The following SLC43A3 variants were observed in gnomAD, a reference collection of about 807,000 sequenced individuals.
The protein encoded by SLC43A3 is equilibrative nucleobase transporter 1.
In SLC43A3, 33 loss-of-function variants were observed where a neutral mutation model predicts 53.3. That is an observed-to-expected ratio of 0.62 (90% confidence interval 0.47 to 0.83). The LOEUF (loss-of-function observed/expected upper bound fraction) is 0.83, where lower values mean the gene tolerates loss of function less well. SLC43A3 is among the 40% of genes least tolerant of loss of function. The probability of loss-of-function intolerance (pLI) is 0.00; values close to 1 mark genes in which losing one functional copy is unlikely to be tolerated. For synonymous variants in SLC43A3, 236 were observed against 246.2 expected (o/e 0.96, Z 0.39); for missense variants, 530 against 610.0 (o/e 0.87, Z 1.38).
Position 57,416,674 on chromosome 11 carries a change from T to C in SLC43A3, c.672-4A>G, listed in dbSNP as rs752812556. On this transcript the variant is annotated splice_region_variant and splice_polypyrimidine_tract_variant and intron_variant, in intron 8 of 13. Coordinates refer to ENST00000395124, the MANE Select transcript of SLC43A3 (RefSeq NM_199329.3). Reference sequence around the variant, plus strand: ...GGTGCCATTCCCAGGGCACAGGCTATGGAAACAAAAGCCCCACCAGCAAGG... The same window carrying C: ...GGTGCCATTCCCAGGGCACAGGCTACGGAAACAAAAGCCCCACCAGCAAGG... 1.1e-5 allele frequency: 17 copies of C among 1,613,186 alleles called. No homozygotes were observed. In the Admixed American group the frequency reaches 2.3e-4, roughly 22 times the overall value.
At position 57,425,616 on chromosome 11, in the gene SLC43A3, A is replaced by G. The variant is rs745443467; in HGVS notation, c.239T>C (p.Met80Thr). 2 of 1,614,168 alleles carry G rather than the reference A, an allele frequency of 1.2e-6. No homozygotes were observed. The highest frequency in any genetic ancestry group is 4.5e-5 in the East Asian group (2 of 44,878). The change falls in exon 4 of 14, where the codon ATG becomes ACG. Residue 80 changes from methionine (M) to threonine (T), a missense_variant. By Grantham distance (81) the Met-to-Thr change is moderately conservative. Coordinates refer to ENST00000395124, the MANE Select transcript of SLC43A3 (RefSeq NM_199329.3). ...FSLIFTLGSF[M>T]NNFMTFPTGY... ...AGTGGGGAATGTCATGAAGTTGTTC[A>G]TGAAGGACCCCAGGGTGAAGATGAG... is the stretch of plus-strand genomic sequence containing the variant.
At position 57,414,914 on chromosome 11, in the gene SLC43A3, T is replaced by A. The variant is rs928252078; in HGVS notation, c.943+19A>T. 3 of 1,610,712 alleles carry A rather than the reference T, an allele frequency of 1.9e-6. No homozygotes were observed. The highest frequency in any genetic ancestry group is 2.5e-6 in the Non-Finnish European group (3 of 1,179,664). ...AGCTGGGACATGCAGATGGGCTACC[T>A]CCCAGCCCTACCACATACCTCGTGC... is the stretch of plus-strand genomic sequence containing the variant. On this transcript the variant is annotated intron_variant, in intron 10 of 13. Transcript: ENST00000395124.
In SLC43A3 at chr11:57,425,537, T is replaced by A. The variant is rs1321161815; in HGVS notation, c.314+4A>T. ...CTTTGCCTGGGCTGGCCTTTGGGAC[T>A]TACATGGCTATGAGGCGTGCCACGG... On this transcript the variant is annotated splice_donor_region_variant and intron_variant, in intron 4 of 13. Coordinates refer to ENST00000395124, the MANE Select transcript of SLC43A3 (RefSeq NM_199329.3). 1 of 1,612,838 alleles carries A rather than the reference T, an allele frequency of 6.2e-7. No homozygotes were observed. The highest frequency in any genetic ancestry group is 8.5e-7 in the Non-Finnish European group (1 of 1,179,312).
intron 11 of SLC43A3, among the ~76,000 whole-genome samples, chr11:57,412,863 T>C (rs1942543328): frequency 6.6e-6 from 1 of 151,574 alleles, no homozygotes; most frequent in South Asian, 2.1e-4. Context: ...AATGAAATAA[T>C]GGGCCTAGGC....
Position 57,414,831 on chromosome 11 carries a change from C to T in SLC43A3, c.944-100G>A, listed in dbSNP as rs546170581. 7.2e-6 allele frequency: 11 copies of T among 1,533,120 alleles called. No individual in the cohort carries two copies. The African/African-American group carries it at 1.5e-4, about 21-fold the overall frequency. 95.0% of individuals were successfully genotyped at this position (1,533,120 alleles called of 1,614,324 possible). On this transcript the variant is annotated intron_variant, in intron 10 of 13. Coordinates refer to ENST00000395124, the MANE Select transcript of SLC43A3 (RefSeq NM_199329.3). Reference sequence around the variant, plus strand: ...ACCCTTGTCTGCATGTCCCTCCTCCCCACACCATCAGACCCTCCTCTGGTG... The same window carrying T: ...ACCCTTGTCTGCATGTCCCTCCTCCTCACACCATCAGACCCTCCTCTGGTG...
At position 57,409,273 on chromosome 11, in the gene SLC43A3, G is replaced by T. The variant is rs765584516; in HGVS notation, c.1273C>A (p.Leu425Ile). The T allele has an allele frequency of 6.2e-7, 1 of 1,614,104 alleles. No individual in the cohort carries two copies. Among genetic ancestry groups the T allele is most frequent in the Non-Finnish European group, 8.5e-7 (1 of 1,180,038 alleles). ...GACAAGGCCATCACCAGCCCAAAGA[G>T]CTTGCCAAAGTGCTCTGAAGGGAAA... is the stretch of plus-strand genomic sequence containing the variant. ...LAFPSEHFGKLFGLVMALSAV... is the reference protein window; with the variant it reads ...LAFPSEHFGKIFGLVMALSAV... The change falls in exon 13 of 14, where the codon CTC becomes ATC. Residue 425 changes from leucine (L) to isoleucine (I), a missense_variant. Transcript: ENST00000395124.
rs1465843997 is a variant in SLC43A3 at position 57,426,245 on chromosome 11, G to A, written c.-73C>T. On this transcript the variant is annotated 5_prime_UTR_variant, in exon 3 of 14. In the 5' UTR this introduces an upstream ATG that the reference lacks. Coordinates refer to ENST00000395124, the MANE Select transcript of SLC43A3 (RefSeq NM_199329.3). ...GGATCACAGGCGCCGTAAGCCTGGC[G>A]TTTGAGCACTTGGAAAATTCCTCTG... is the stretch of plus-strand genomic sequence containing the variant. 2 of 1,453,944 alleles carry A rather than the reference G, an allele frequency of 1.4e-6. No individual in the cohort carries two copies. The highest frequency in any genetic ancestry group is 1.9e-6 in the Non-Finnish European group (2 of 1,062,152). The allele number at this position is 1,453,944 out of a possible 1,614,324, so 90.1% of individuals were successfully genotyped here.
In SLC43A3 at chr11:57,409,896, T is replaced by C. The variant is rs1942373785; in HGVS notation, c.1247+39A>G. ...TACCTCCAGCTTCTCTTTGCCCCAG[T>C]GTGTCCGTCTCCACAGAGCCCGCCC... On this transcript the variant is annotated intron_variant, in intron 12 of 13. Coordinates refer to ENST00000395124, the MANE Select transcript of SLC43A3 (RefSeq NM_199329.3). The C allele has an allele frequency of 1.9e-6, 3 of 1,545,036 alleles. No homozygotes were observed. In the South Asian group the frequency reaches 3.7e-5, roughly 19 times the overall value.
Position 57,407,885 on chromosome 11 carries a change from C to T in SLC43A3, c.1383G>A (p.Met461Ile), listed in dbSNP as rs751185638. 8.1e-6 allele frequency: 13 copies of T among 1,610,186 alleles called. No individual in the cohort carries two copies. The Admixed American group carries it at 2.0e-4, about 25-fold the overall frequency. ...ATGTCAGAAGAATGGCAAGCATGAACATCACATTCACCTGCAGGGAGAGCA... is the reference window on the plus strand; with the variant it reads ...ATGTCAGAAGAATGGCAAGCATGAATATCACATTCACCTGCAGGGAGAGCA... ...LQNDPFYVNV[M>I]FMLAILLTFF... The change falls in exon 14 of 14, where the codon ATG (methionine) becomes ATA (isoleucine). Residue 461 changes from methionine to isoleucine, a missense_variant. Physicochemically the swap from Met to Ile is conservative, Grantham distance 10. This residue lies in a region of SLC43A3 where 124 missense variants were observed against 166.4 expected (regional missense o/e 0.75). Coordinates refer to ENST00000395124, the MANE Select transcript of SLC43A3 (RefSeq NM_199329.3).
intron 8 of SLC43A3, among the ~76,000 whole-genome samples, chr11:57,417,489 T>G (rs545020384): frequency 1.3e-5 from 2 of 152,320 alleles, no homozygotes; most frequent in African/African-American, 2.4e-5. Context: ...AATGATCAGA[T>G]GTATGAATGA....
At chr11:57,414,547 G>T in intron 11 of SLC43A3, 68 bp downstream of exon 11, 32 of 581,020 alleles carry the variant, frequency 5.5e-5, no homozygotes, top group Non-Finnish European at 9.5e-5. Context: ...GAGAGAAGAT[G>T]TCATGGGGTA....
At position 57,426,620 on chromosome 11, in the gene SLC43A3, G is replaced by A. The variant is rs1198149683; in HGVS notation, c.-213C>T. On this transcript the variant is annotated 5_prime_UTR_variant, in exon 2 of 14. Transcript: ENST00000395124. ...CTCCCCGGGAGCAGGTGGAGAAGCG[G>A]AGCTCCTGCGCTCGAATTCTGAATA... is the stretch of plus-strand genomic sequence containing the variant. The A allele has an allele frequency of 1.3e-5, 2 of 158,404 alleles. No individual in the cohort carries two copies. Among genetic ancestry groups the A allele is most frequent in the Admixed American group, 6.2e-5 (1 of 16,120 alleles). 9.8% of individuals were successfully genotyped at this position (158,404 alleles called of 1,614,324 possible).
At chr11:57,412,544 G>T (rs1458912955) in intron 11 of SLC43A3, among the ~76,000 whole-genome samples, 1 of 152,080 alleles carries the variant, frequency 6.6e-6, no homozygotes, top group African/African-American at 2.4e-5. Flanking sequence ...TTTTGGCCAG[G>T]GGCAGTGGCT....
Position 57,407,697 on chromosome 11 carries a change from C to T in SLC43A3, c.*95G>A, listed in dbSNP as rs750386453. 4.2e-5 allele frequency: 27 copies of T among 650,240 alleles called. No individual in the cohort carries two copies. Among genetic ancestry groups the T allele is most frequent in the Non-Finnish European group, 7.1e-5 (25 of 354,096 alleles). The allele number at this position is 650,240 out of a possible 1,614,324, so 40.3% of individuals were successfully genotyped here. A position where few individuals can be genotyped will look rare whatever the true frequency, so the allele number is the denominator to read the frequency against. On this transcript the variant is annotated 3_prime_UTR_variant, in exon 14 of 14. Coordinates refer to ENST00000395124, the MANE Select transcript of SLC43A3 (RefSeq NM_199329.3). ...TGTGTGTGTGTGTGTGTGTGTTTTG[C>T]TGGGATAGGCAAAGTCTTTTGGGAC...
intron 11 of SLC43A3, among the ~76,000 whole-genome samples, chr11:57,412,757 G>A (rs72923974): frequency 0.22 from 33,221 of 151,280 alleles, 3,887 homozygotes; most frequent in Non-Finnish European, 0.27. Context: ...GCAGTAGGCT[G>A]AGATTACGCC....
At chr11:57,420,891 G>T in intron 7 of SLC43A3, 81 bp downstream of exon 7, 1 of 954,682 alleles carries the variant, frequency 1.0e-6, no homozygotes, top group Admixed American at 1.8e-5. Flanking sequence ...CCGAGTTGAT[G>T]GAGACAAATA....
Position 57,417,870 on chromosome 11 carries a change from G to A in SLC43A3, c.549C>T (p.Gly183=). 6.2e-7 allele frequency: 1 copy of A among 1,614,158 alleles called. No individual in the cohort carries two copies. The highest frequency in any genetic ancestry group is 8.5e-7 in the Non-Finnish European group (1 of 1,180,018). ...AGATGAAGGAGGCCCTGAGGCTGAT[G>A]CCTTTTTCATAAAGAAGCTGCAGAA... ...FLIIKLLYEK[G]ISLRASFIFI... is the part of the protein sequence containing the mutation. The change falls in exon 8 of 14, where the codon GGC becomes GGT. Residue 183 remains glycine, a synonymous_variant. Coordinates refer to ENST00000395124, the MANE Select transcript of SLC43A3 (RefSeq NM_199329.3).
intron 9 of SLC43A3, 109 bp downstream of exon 9, chr11:57,416,464 G>C: frequency 1.3e-6 from 1 of 789,188 alleles, no homozygotes; most frequent in East Asian, 2.6e-5. Flanking sequence ...TTTCTGTCCT[G>C]CCTTTCCTGA....
chr11:57,414,849 C>T (rs1942644569), intron 10 of SLC43A3, 84 bp downstream of exon 10: 3 of 1,548,258 alleles, frequency 1.9e-6, no homozygotes, highest in Non-Finnish European at 1.8e-6. Context: ...TCAGACCCTC[C>T]TCTGGTGTGT....
Sources: allele counts gnomAD v4.1 joint callset (sites outside exome capture counted in the v4.1 genomes callset), GRCh38; gene constraint gnomAD v4.1.1; regional missense constraint gnomAD v4.1.1; transcripts MANE v1.5; gene names NCBI Gene and HGNC (gene_info 2026-07-23, HGNC 2026-07-21).